The following TCERG1 variants were observed in gnomAD, a reference collection of about 807,000 sequenced individuals.
TCERG1 encodes TATA box binding protein (TBP)-associated factor, RNA polymerase II, S, 150kD.
Under a neutral mutation model 144.7 loss-of-function variants are expected in TCERG1, and 37 were observed. The observed-to-expected ratio is 0.26, with a 90% CI of 0.20 to 0.34. The LOEUF is 0.34. Among genes scored for constraint, TCERG1 ranks in the 10% least tolerant of loss-of-function variants. TCERG1 has a pLI of 1.00. For synonymous variants in TCERG1, 492 were observed against 458.2 expected (o/e 1.07, Z -0.94); for missense variants, 1,027 against 1,380.7 (o/e 0.74, Z 4.06).
intron 4 of TCERG1, among the ~76,000 whole-genome samples, chr5:146,459,689 G>A (rs55861460): frequency 0.064 from 9,710 of 152,194 alleles, 426 homozygotes; most frequent in Non-Finnish European, 0.085. Context: ...AGAATAACAC[G>A]TGTTAAACAA....
intron 16 of TCERG1, among the ~76,000 whole-genome samples, chr5:146,495,115 A>G (rs1355225921): frequency 6.6e-6 from 1 of 152,212 alleles, no homozygotes; most frequent in African/African-American, 2.4e-5. Context: ...CACTTTTTAA[A>G]AGGTTTTTTC....
intron 4 of TCERG1, among the ~76,000 whole-genome samples, chr5:146,463,041 G>A (rs527805203): frequency 6.6e-6 from 1 of 152,016 alleles, no homozygotes; most frequent in Non-Finnish European, 1.5e-5. Flanking sequence ...TTAGCCTTTT[G>A]TTCAAGGCTT....
intron 1 of TCERG1, among the ~76,000 whole-genome samples, chr5:146,447,741 C>T (rs1302324608): frequency 2.6e-5 from 4 of 152,234 alleles, no homozygotes; most frequent in Non-Finnish European, 4.4e-5. Flanking sequence ...TCTCGGCCGA[C>T]CTGAGTCTGT....
chr5:146,455,325 C>A, intron 2 of TCERG1, 44 bp downstream of exon 2: 1 of 1,602,542 alleles, frequency 6.2e-7, no homozygotes, highest in Non-Finnish European at 8.5e-7. Flanking sequence ...GCATCATTAT[C>A]AATATTATAT....
In TCERG1 at chr5:146,497,323, A is replaced by G. The variant is rs573446807; in HGVS notation, c.2283-1213A>G. Among the ~76,000 whole-genome samples, 7 of 152,234 alleles carry G rather than the reference A, an allele frequency of 4.6e-5. No individual in the cohort carries two copies. In the East Asian group the frequency reaches 1.2e-3, roughly 25 times the overall value. ...GTAGCTGGGATTACAGGCGTCAGCT[A>G]CTGTGCCTGGCTGGAGTCTCACTGT... On this transcript the variant is annotated intron_variant, in intron 16 of 22. Coordinates refer to ENST00000679501, the MANE Select transcript of TCERG1 (RefSeq NM_001382548.1).
Position 146,454,590 on chromosome 5 carries a change from GTTGTTTGT to G in TCERG1, c.60-451_60-444del, listed in dbSNP as rs954448902. 4.0e-5 allele frequency among the ~76,000 whole-genome samples: 6 copies of G among 150,946 alleles called. No individual in the cohort carries two copies. The East Asian group carries it at 5.8e-4, about 15-fold the overall frequency. On this transcript the variant is annotated intron_variant, in intron 1 of 22. Transcript: ENST00000679501. ...GTAAGTTTTTTTTTTTGTTTTTTTG[GTTGTTTGT>G]TTGTTTGTTTGTTTTTTGAGATGGA...
At chr5:146,464,473 T>C (rs1763603035) in intron 5 of TCERG1, among the ~76,000 whole-genome samples, 1 of 152,236 alleles carries the variant, frequency 6.6e-6, no homozygotes, top group Non-Finnish European at 1.5e-5. Flanking sequence ...TAAATTGTTA[T>C]GGTGAATTAA....
chr5:146,504,272 A>G (rs149724990), intron 19 of TCERG1: 158 of 283,812 alleles, frequency 5.6e-4, no homozygotes, highest in Middle Eastern at 2.0e-3. Flanking sequence ...ATTGTTCTTG[A>G]TGAAAGTCAT....
At chr5:146,503,318 G>A in intron 17 of TCERG1, 57 bp from the exon 18 acceptor site, 2 of 1,514,610 alleles carry the variant, frequency 1.3e-6, no homozygotes, top group Non-Finnish European at 1.8e-6. Context: ...AAGATATGAT[G>A]AATTTCTCAT....
chr5:146,488,246 T>C (rs1176661069), intron 15 of TCERG1, among the ~76,000 whole-genome samples: 1 of 152,080 alleles, frequency 6.6e-6, no homozygotes, highest in Non-Finnish European at 1.5e-5. Context: ...ACAAATGGGG[T>C]TACATCAAAT....
intron 10 of TCERG1, 47 bp downstream of exon 10, chr5:146,478,700 C>A: frequency 1.3e-6 from 2 of 1,488,948 alleles, no homozygotes; most frequent in South Asian, 1.4e-5. Flanking sequence ...ACATTCTTTT[C>A]ATATTTTGAT....
intron 15 of TCERG1, among the ~76,000 whole-genome samples, chr5:146,484,545 T>G (rs1765651280): frequency 6.6e-6 from 1 of 151,918 alleles, no homozygotes; most frequent in Non-Finnish European, 1.5e-5. Flanking sequence ...ATCATGGACT[T>G]GAATGAAGGG....
intron 15 of TCERG1, among the ~76,000 whole-genome samples, chr5:146,485,282 A>C (rs1765721956): frequency 6.6e-6 from 1 of 152,098 alleles, no homozygotes; most frequent in Non-Finnish European, 1.5e-5. Context: ...AATCAATCTA[A>C]GTATTGTCTC....
Position 146,507,384 on chromosome 5 carries a change from T to A in TCERG1, c.2961+177T>A. 1.7e-6 allele frequency: 1 copy of A among 593,954 alleles called. No homozygotes were observed. The highest frequency in any genetic ancestry group is 2.7e-6 in the Non-Finnish European group (1 of 370,148). 36.8% of individuals were successfully genotyped at this position (593,954 alleles called of 1,614,324 possible). A position where few individuals can be genotyped will look rare whatever the true frequency, so the allele number is the denominator to read the frequency against. ...GTATTCTTATTTATTTAGAAATGCC[T>A]ATTCTTTGCAGTTTTCACATTCATA... is the stretch of plus-strand genomic sequence containing the variant. On this transcript the variant is annotated intron_variant, in intron 20 of 22. Transcript: ENST00000679501. This position sits in a 1 kb window ranked among gnomAD's most constrained non-coding sequence, Gnocchi z 4.6.
intron 22 of TCERG1, chr5:146,510,185 A>C: frequency 1.0e-6 from 1 of 991,562 alleles, no homozygotes; most frequent in Non-Finnish European, 1.4e-6. Context: ...AGATTTACCC[A>C]CCCACCCTCA....
chr5:146,509,997 C>G (rs1270949091), intron 22 of TCERG1: 4 of 1,259,840 alleles, frequency 3.2e-6, no homozygotes, highest in Non-Finnish European at 2.1e-6. Context: ...GGTCAGGATC[C>G]TTAATGTTTT....
At position 146,454,037 on chromosome 5, in the gene TCERG1, CAAAAAAAAA is replaced by C. The variant is rs56657111; in HGVS notation, c.60-1003_60-995del. Among the ~76,000 whole-genome samples the C allele has an allele frequency of 9.2e-5, 12 of 129,858 alleles. No individual in the cohort carries two copies. In the East Asian group the frequency reaches 2.2e-3, roughly 24 times the overall value. 85.2% of individuals were successfully genotyped at this position (129,858 alleles called of 152,430 possible). On this transcript the variant is annotated intron_variant, in intron 1 of 22. Coordinates refer to ENST00000679501, the MANE Select transcript of TCERG1 (RefSeq NM_001382548.1). Reference sequence around the variant, plus strand: ...GTGAAACCCCATCTCTACTCAAATACAAAAAAAAAAAAAAAAAAAAAAAATTAGCCGGGC... The same window carrying C: ...GTGAAACCCCATCTCTACTCAAATACAAAAAAAAAAAAAAATTAGCCGGGC...
intron 1 of TCERG1, among the ~76,000 whole-genome samples, chr5:146,454,298 C>T (rs772651555): frequency 9.9e-5 from 15 of 152,030 alleles, no homozygotes; most frequent in Non-Finnish European, 2.1e-4. Flanking sequence ...CATTTTTGGT[C>T]GGAATAGGTG....
chr5:146,497,010 G>A (rs1213029037), intron 16 of TCERG1, among the ~76,000 whole-genome samples: 9 of 151,164 alleles, frequency 6.0e-5, no homozygotes, highest in Non-Finnish European at 4.4e-5. Context: ...TGGGATTACA[G>A]GTGCCTGCCA....
Sources: gnomAD v4.1 joint callset for allele counts (sites outside exome capture counted in the v4.1 genomes callset) on GRCh38, gnomAD v4.1.1 for gene constraint, Gnocchi (gnomAD v3.1) non-coding constraint, MANE v1.5 for transcripts, NCBI Gene and HGNC (gene_info 2026-07-23, HGNC 2026-07-21) for gene names.